The following ERICH2 variants were observed in gnomAD, a reference collection of about 807,000 sequenced individuals.
ERICH2 encodes the protein glutamate-rich protein 2.
Under a neutral mutation model 17.4 loss-of-function variants are expected in ERICH2, and 17 were observed. The observed-to-expected ratio is 0.98, with a 90% CI of 0.67 to 1.47. The LOEUF is 1.47. Among genes scored for constraint, ERICH2 ranks in the 40% most tolerant of loss-of-function variants. The pLI, the probability that ERICH2 is intolerant of heterozygous loss-of-function variation, is 0.00. For missense variants in ERICH2, 186 were observed against 183.2 expected, an observed-to-expected ratio of 1.01 and a Z score of -0.09; for synonymous variants, 51 against 61.1, an observed-to-expected ratio of 0.83 and a Z score of 0.77.
At chr2:170,797,488 A>G (rs1368169353) in intron 3 of ERICH2, among the ~76,000 whole-genome samples, 1 of 152,158 alleles carries the variant, frequency 6.6e-6, no homozygotes, top group Non-Finnish European at 1.5e-5. Flanking sequence ...ATTGCTTTCT[A>G]TGGATAGGAG....
the ERICH2 span, among the ~76,000 whole-genome samples, chr2:170,772,499 A>C: frequency 6.6e-6 from 1 of 152,204 alleles, no homozygotes; most frequent in Non-Finnish European, 1.5e-5. Context: ...GAGGTTAAGG[A>C]ATTTGCTCAA....
chr2:170,781,892 C>G (rs1701038371), upstream of ERICH2, among the ~76,000 whole-genome samples: 1 of 152,102 alleles, frequency 6.6e-6, no homozygotes, highest in Non-Finnish European at 1.5e-5. Flanking sequence ...TGGCAAAAAT[C>G]GATTTATAAA....
upstream of ERICH2, among the ~76,000 whole-genome samples, chr2:170,780,692 C>T (rs1338928546): frequency 6.6e-6 from 1 of 152,086 alleles, no homozygotes; most frequent in Non-Finnish European, 1.5e-5. Flanking sequence ...TGTCATCTTA[C>T]ACTTATATTT....
At chr2:170,770,806 C>T in the ERICH2 span, 55 of 154,536 alleles carry the variant, frequency 3.6e-4, no homozygotes, top group Middle Eastern at 1.6e-3. Flanking sequence ...CCCACAACCG[C>T]GGGGCTGTCC....
chr2:170,776,144 C>T, the ERICH2 span, among the ~76,000 whole-genome samples: 3 of 151,770 alleles, frequency 2.0e-5, no homozygotes, highest in Non-Finnish European at 1.5e-5. Flanking sequence ...CTACACTATA[C>T]GAAAATCAGT....
At chr2:170,779,809 C>T (rs771929846), upstream of ERICH2, 29 of 983,288 alleles carry the variant, frequency 2.9e-5, 1 homozygote, top group South Asian at 9.4e-5. Context: ...CCTCTTTGGA[C>T]GCAGACCAAG....
At chr2:170,790,624 C>T (rs1701268125) in intron 2 of ERICH2, among the ~76,000 whole-genome samples, 1 of 151,456 alleles carries the variant, frequency 6.6e-6, no homozygotes, top group South Asian at 2.1e-4. Context: ...AAGACTCTGC[C>T]TCCAAAAAAT....
chr2:170,779,501 T>C (rs1213249450), upstream of ERICH2, among the ~76,000 whole-genome samples: 1 of 152,216 alleles, frequency 6.6e-6, no homozygotes, highest in Admixed American at 6.5e-5. Context: ...AAAGATTTTG[T>C]CTACCCAGCA....
At chr2:170,796,770 A>G (rs894704356) in intron 3 of ERICH2, among the ~76,000 whole-genome samples, 1 of 152,084 alleles carries the variant, frequency 6.6e-6, no homozygotes, top group Non-Finnish European at 1.5e-5. Context: ...CCAGATGAAG[A>G]GCACACTTGA....
At chr2:170,773,695 A>G in the ERICH2 span, among the ~76,000 whole-genome samples, 1 of 152,190 alleles carries the variant, frequency 6.6e-6, no homozygotes, top group East Asian at 1.9e-4. Flanking sequence ...GACATGTAGT[A>G]GGTGCTCATC....
At chr2:170,783,797 C>T (rs776858051) in exon 1 of ERICH2, 3 of 1,550,354 alleles carry the variant, frequency 1.9e-6, no homozygotes, top group Non-Finnish European at 8.7e-7. Context: ...AGTCAGTCTA[C>T]AGGCTAGGTG....
the ERICH2 span, among the ~76,000 whole-genome samples, chr2:170,773,861 G>GGT: frequency 5.9e-5 from 9 of 152,042 alleles, no homozygotes; most frequent in Admixed American, 3.3e-4. Flanking sequence ...GAGTAGCTGA[G>GGT]ACTACAGGCA....
chr2:170,778,604 T>C, the ERICH2 span, among the ~76,000 whole-genome samples: 1 of 152,142 alleles, frequency 6.6e-6, no homozygotes, highest in African/African-American at 2.4e-5. Flanking sequence ...GAGGACCTTA[T>C]TTATTTTCAT....
At chr2:170,788,061 T>C (rs1701196787) in intron 2 of ERICH2, among the ~76,000 whole-genome samples, 1 of 152,244 alleles carries the variant, frequency 6.6e-6, no homozygotes, top group Non-Finnish European at 1.5e-5. Flanking sequence ...ATTTAATTGC[T>C]AGCCATGGAA....
chr2:170,789,217 G>A (rs866069368), intron 2 of ERICH2, among the ~76,000 whole-genome samples: 5 of 151,252 alleles, frequency 3.3e-5, no homozygotes, highest in Admixed American at 2.6e-4. Flanking sequence ...CGCCCACCTC[G>A]GCCTCCCAAA....
upstream of ERICH2, among the ~76,000 whole-genome samples, chr2:170,779,526 A>G (rs1437514088): frequency 6.6e-6 from 1 of 152,204 alleles, no homozygotes; most frequent in African/African-American, 2.4e-5. Flanking sequence ...GCTTGTAGTT[A>G]ACAAACTATT....
chr2:170,778,943 C>G (rs1324901495), upstream of ERICH2, among the ~76,000 whole-genome samples: 1 of 152,156 alleles, frequency 6.6e-6, no homozygotes, highest in African/African-American at 2.4e-5. Context: ...AATAGAAAAG[C>G]AGAGTGGCTA....
At chr2:170,776,800 G>A in the ERICH2 span, among the ~76,000 whole-genome samples, 1 of 151,718 alleles carries the variant, frequency 6.6e-6, no homozygotes, top group Admixed American at 6.6e-5. Flanking sequence ...TAGGTTTGGG[G>A]GTACGTGTGA....
the ERICH2 span, among the ~76,000 whole-genome samples, chr2:170,773,863 C>CACCACTACTCAAGAGGTGGTGTATG: frequency 5.9e-5 from 9 of 152,082 alleles, no homozygotes; most frequent in Admixed American, 3.3e-4. Context: ...GTAGCTGAGA[C>CACCACTACTCAAGAGGTGGTGTATG]TACAGGCATA....
Sources: gnomAD v4.1 joint callset for allele counts (sites outside exome capture counted in the v4.1 genomes callset) on GRCh38, gnomAD v4.1.1 for gene constraint, MANE v1.5 for transcripts, NCBI Gene and HGNC (gene_info 2026-07-23, HGNC 2026-07-21) for gene names.